The following NEK11 variants were observed in gnomAD, a reference collection of about 807,000 sequenced individuals.
NEK11 encodes serine/threonine-protein kinase Nek11.
Under a neutral mutation model 80.7 loss-of-function variants are expected in NEK11, and 72 were observed. That is an observed-to-expected ratio of 0.89 (90% confidence interval 0.74 to 1.08). NEK11 has a LOEUF of 1.08. NEK11 is among the 50% of genes least tolerant of loss of function. NEK11 has a pLI of 0.00. For missense variants in NEK11, 764 were observed against 763.6 expected (o/e 1.00, Z -0.01); for synonymous variants, 251 against 260.7 (o/e 0.96, Z 0.36).
chr3:131,226,626 A>G (rs1377224265), intron 14 of NEK11, among the ~76,000 whole-genome samples: 3 of 151,922 alleles, frequency 2.0e-5, no homozygotes, highest in Non-Finnish European at 4.4e-5. Flanking sequence ...GAGCTAAGCT[A>G]TGGGTACACA....
At chr3:131,096,089 G>A (rs888371624) in intron 4 of NEK11, among the ~76,000 whole-genome samples, 1 of 152,076 alleles carries the variant, frequency 6.6e-6, no homozygotes, top group African/African-American at 2.4e-5. Flanking sequence ...TTTTGTTATA[G>A]AGGGTACATC....
chr3:131,320,132 T>A (rs1205763930), intron 17 of NEK11, among the ~76,000 whole-genome samples: 2 of 152,082 alleles, frequency 1.3e-5, no homozygotes, highest in East Asian at 3.8e-4. Context: ...TTACAACAAA[T>A]AATTTCTGCA....
intron 15 of NEK11, among the ~76,000 whole-genome samples, chr3:131,242,284 G>A (rs1165045589): frequency 1.3e-5 from 2 of 152,108 alleles, no homozygotes; most frequent in Non-Finnish European, 2.9e-5. Flanking sequence ...TATGGAGGAA[G>A]GAGACTTGAA....
At chr3:131,278,976 T>A (rs1383498373) in intron 17 of NEK11, among the ~76,000 whole-genome samples, 1 of 152,124 alleles carries the variant, frequency 6.6e-6, no homozygotes, top group Non-Finnish European at 1.5e-5. Context: ...GAGACATTTG[T>A]TACCAGAATG....
At chr3:131,290,090 G>C (rs1361350233) in intron 17 of NEK11, among the ~76,000 whole-genome samples, 1 of 152,228 alleles carries the variant, frequency 6.6e-6, no homozygotes, top group East Asian at 1.9e-4. Flanking sequence ...TCTCTGAACA[G>C]ACAAATAATT....
chr3:131,285,667 C>G (rs1212005884), intron 17 of NEK11, among the ~76,000 whole-genome samples: 1 of 152,224 alleles, frequency 6.6e-6, no homozygotes, highest in Non-Finnish European at 1.5e-5. Flanking sequence ...CATGCGGGCA[C>G]CTGAGTCATT....
intron 17 of NEK11, among the ~76,000 whole-genome samples, chr3:131,299,746 T>G (rs1440431404): frequency 1.3e-5 from 2 of 152,238 alleles, no homozygotes; most frequent in Non-Finnish European, 2.9e-5. Flanking sequence ...ATGGTGTATA[T>G]GTACTACATT....
chr3:131,148,343 A>C (rs2088831286), intron 7 of NEK11, among the ~76,000 whole-genome samples: 2 of 151,954 alleles, frequency 1.3e-5, no homozygotes, highest in African/African-American at 4.8e-5. Flanking sequence ...CTTTCCCATA[A>C]TATCCTTGTT....
intron 7 of NEK11, among the ~76,000 whole-genome samples, chr3:131,134,887 TC>T (rs2085258629): frequency 6.6e-6 from 1 of 152,210 alleles, no homozygotes; most frequent in South Asian, 2.1e-4. Flanking sequence ...AGATCCTATT[TC>T]TTTTCCTTAG....
intron 2 of NEK11, among the ~76,000 whole-genome samples, chr3:131,028,438 A>G: frequency 6.6e-6 from 1 of 152,356 alleles, no homozygotes; most frequent in Admixed American, 6.5e-5. Flanking sequence ...ATTTCTATAT[A>G]GATTTAAAAC....
rs1291867602 is a variant in NEK11 at position 131,043,908 on chromosome 3, C to T, written c.170+14030C>T. Among the ~76,000 whole-genome samples, 4 of 152,196 alleles carry T rather than the reference C, an allele frequency of 2.6e-5. No homozygotes were observed. The South Asian group carries it at 6.2e-4, about 24-fold the overall frequency. ...AAAGGGAAGCCTATCAGACTAACAA[C>T]AGACCTCTCTGCAGAAACCCTACAT... On this transcript the variant is annotated intron_variant, in intron 3 of 17. Transcript: ENST00000383366.
At chr3:131,224,693 T>C (rs2095137664) in intron 14 of NEK11, among the ~76,000 whole-genome samples, 1 of 152,146 alleles carries the variant, frequency 6.6e-6, no homozygotes, top group South Asian at 2.1e-4. Context: ...AGAGACCTTG[T>C]AGTGGGACAA....
intron 7 of NEK11, 42 bp downstream of exon 7, chr3:131,133,998 A>C: frequency 6.6e-7 from 1 of 1,526,164 alleles, no homozygotes; most frequent in Non-Finnish European, 8.8e-7. Context: ...TGCTTCCCTA[A>C]AAGAATGGTA....
chr3:131,311,551 C>T (rs1467115511), intron 17 of NEK11, among the ~76,000 whole-genome samples: 2 of 152,218 alleles, frequency 1.3e-5, no homozygotes, highest in Non-Finnish European at 2.9e-5. Context: ...TGCCTACTCT[C>T]ATTGGTTTAT....
chr3:131,192,122 C>T (rs1004085632), intron 14 of NEK11, among the ~76,000 whole-genome samples: 1 of 151,982 alleles, frequency 6.6e-6, no homozygotes, highest in Admixed American at 6.6e-5. Flanking sequence ...AAAAAATGGA[C>T]AAAAGATTTG....
chr3:131,152,391 A>C lies in NEK11; in HGVS notation c.651A>C (p.Ser217=), dbSNP rs371833879. The change falls in exon 8 of 18, where the codon TCA becomes TCC. Residue 217 remains serine (S), a synonymous_variant. Coordinates refer to ENST00000383366, the MANE Select transcript of NEK11 (RefSeq NM_024800.5). ...QGYDTKSDIW[S]LACILYEMCC... ...AATTCTTTGACTTTGTCTTCAGGTC[A>C]CTGGCATGCATTTTGTATGAGATGT... 2.5e-6 allele frequency: 4 copies of C among 1,594,184 alleles called. No homozygotes were observed. Among genetic ancestry groups the C allele is most frequent in the Non-Finnish European group, 3.4e-6 (4 of 1,172,046 alleles).
intron 17 of NEK11, among the ~76,000 whole-genome samples, chr3:131,300,943 C>T (rs1398042552): frequency 6.6e-6 from 1 of 152,140 alleles, no homozygotes; most frequent in East Asian, 1.9e-4. Flanking sequence ...ATAGGAATAG[C>T]ATTGAATATG....
At chr3:131,250,703 A>T (rs1193061786) in intron 16 of NEK11, among the ~76,000 whole-genome samples, 1 of 152,146 alleles carries the variant, frequency 6.6e-6, no homozygotes, top group African/African-American at 2.4e-5. Flanking sequence ...TCAGACTAGA[A>T]TGAGTCAGAG....
chr3:131,216,494 G>A (rs1046480534), intron 14 of NEK11, among the ~76,000 whole-genome samples: 1 of 152,242 alleles, frequency 6.6e-6, no homozygotes, highest in Non-Finnish European at 1.5e-5. Context: ...GAAGATAGGA[G>A]ATGATTGCAG....
Sources: allele counts gnomAD v4.1 joint callset (sites outside exome capture counted in the v4.1 genomes callset), GRCh38; gene constraint gnomAD v4.1.1; transcripts MANE v1.5; gene names NCBI Gene and HGNC (gene_info 2026-07-23, HGNC 2026-07-21).